TOX3: variants seen among roughly 807,000 people sequenced by gnomAD.
TOX3 encodes the protein TOX high mobility group box family member 3.
A neutral mutation model predicts 64.3 loss-of-function variants in TOX3; 22 were observed. That is an observed-to-expected ratio of 0.34 (90% CI 0.24 to 0.49). TOX3 has a LOEUF of 0.49. Ranked by LOEUF, TOX3 falls within the 20% of genes least tolerant of loss-of-function variation. The pLI, the probability that TOX3 is intolerant of heterozygous loss-of-function variation, is 0.99. For missense variants in TOX3, 661 were observed against 714.4 expected (o/e 0.93, Z 0.85); for synonymous variants, 291 against 273.6 (o/e 1.06, Z -0.63).
chr16:52,450,206 A>G, intron 4 of TOX3, 71 bp downstream of exon 4: 1 of 1,563,248 alleles, frequency 6.4e-7, no homozygotes, highest in Non-Finnish European at 8.8e-7. Flanking sequence ...AACACCATGA[A>G]TGAAATTCAA....
At chr16:52,542,752 G>C (rs1963103678) in intron 1 of TOX3, among the ~76,000 whole-genome samples, 1 of 152,118 alleles carries the variant, frequency 6.6e-6, no homozygotes, top group Non-Finnish European at 1.5e-5. Context: ...GTCGTGATAG[G>C]ATACAGGAAT....
intron 1 of TOX3, among the ~76,000 whole-genome samples, chr16:52,479,876 C>T (rs1961318805): frequency 6.6e-6 from 1 of 152,186 alleles, no homozygotes; most frequent in Non-Finnish European, 1.5e-5. Flanking sequence ...ATAAGCAGTT[C>T]TACTGATGCA....
chr16:52,439,397 T>G lies in TOX3; in HGVS notation c.1559A>C (p.Gln520Pro), dbSNP rs1959864764. Residue 520 changes from glutamine to proline, a missense_variant, in exon 7 of 7, where the codon CAA (glutamine) becomes CCA (proline). By Grantham distance (76) the Gln-to-Pro change is moderately conservative (BLOSUM62 -1). Transcript: ENST00000219746. ...LQQRLQLQQLQHMQHQSQPSP... is the reference protein window; with the variant it reads ...LQQRLQLQQLPHMQHQSQPSP... ...AGGCTGAGACTGGTGCTGCATGTGT[T>G]GCAGCTGCTGCAGCTGGAGGCGCTG... 1 of 1,585,158 alleles carries G rather than the reference T, an allele frequency of 6.3e-7. No individual in the cohort carries two copies. The highest frequency in any genetic ancestry group is 1.3e-5 in the African/African-American group (1 of 74,278).
At chr16:52,454,796 G>T (rs993541159) in intron 3 of TOX3, among the ~76,000 whole-genome samples, 5 of 152,064 alleles carry the variant, frequency 3.3e-5, no homozygotes, top group African/African-American at 1.2e-4. Flanking sequence ...ATTACCATGC[G>T]ATTATTTTAC....
At chr16:52,443,297 T>C (rs983102175) in intron 6 of TOX3, among the ~76,000 whole-genome samples, 1 of 152,182 alleles carries the variant, frequency 6.6e-6, no homozygotes, top group Non-Finnish European at 1.5e-5. Flanking sequence ...GTTTTGCTAT[T>C]GACCTGATAA....
At chr16:52,543,346 A>G (rs1244594446) in intron 1 of TOX3, among the ~76,000 whole-genome samples, 1 of 152,172 alleles carries the variant, frequency 6.6e-6, no homozygotes, top group Non-Finnish European at 1.5e-5. Context: ...TCCAATGAGC[A>G]TTTCCTTTGA....
chr16:52,516,863 C>G (rs770482638), intron 1 of TOX3, among the ~76,000 whole-genome samples: 10 of 151,900 alleles, frequency 6.6e-5, no homozygotes, highest in African/African-American at 2.4e-4. Flanking sequence ...CAAAACTTAC[C>G]AATAGCACAT....
chr16:52,484,416 A>G (rs1056868791), intron 1 of TOX3, among the ~76,000 whole-genome samples: 1 of 152,180 alleles, frequency 6.6e-6, no homozygotes, highest in Non-Finnish European at 1.5e-5. Context: ...ATTAGGACCT[A>G]CTAGTTCTGC....
At chr16:52,530,451 C>T (rs1962826000) in intron 1 of TOX3, among the ~76,000 whole-genome samples, 9 of 152,054 alleles carry the variant, frequency 5.9e-5, no homozygotes, top group Admixed American at 5.9e-4. Flanking sequence ...ATTCTCCGGC[C>T]TCAATCTCCC....
chr16:52,518,549 C>T (rs564092996), intron 1 of TOX3, among the ~76,000 whole-genome samples: 3 of 152,278 alleles, frequency 2.0e-5, no homozygotes, highest in Non-Finnish European at 2.9e-5. Context: ...TTTAATAAAA[C>T]GTCTTCTCTA....
chr16:52,540,011 G>T (rs918194214), intron 1 of TOX3, among the ~76,000 whole-genome samples: 1 of 151,894 alleles, frequency 6.6e-6, no homozygotes, highest in Non-Finnish European at 1.5e-5. Context: ...TCTTGCCGGG[G>T]CCTACACCAT....
At position 52,440,748 on chromosome 16, in the gene TOX3, C is replaced by CTTTTTTTTTTTTT. The variant is rs1425662404; in HGVS notation, c.988-781_988-780insAAAAAAAAAAAAA. ...ATTGGGTTATATGGTATTTTTCTTTCTTTCTTTTTTTTTTTTTTTTTTTTT... is the reference window on the plus strand; with the variant it reads ...ATTGGGTTATATGGTATTTTTCTTTCTTTTTTTTTTTTTTTTCTTTTTTTTTTTTTTTTTTTTT... On this transcript the variant is annotated intron_variant, in intron 6 of 6. Transcript: ENST00000219746. Among the ~76,000 whole-genome samples, 2 of 89,456 alleles carry CTTTTTTTTTTTTT rather than the reference C, an allele frequency of 2.2e-5. 1 individual carries two copies. Among genetic ancestry groups the CTTTTTTTTTTTTT allele is most frequent in the Admixed American group, 2.4e-4 (2 of 8,222 alleles). 58.7% of individuals were successfully genotyped at this position (89,456 alleles called of 152,430 possible).
intron 1 of TOX3, among the ~76,000 whole-genome samples, chr16:52,532,167 A>G (rs1329830447): frequency 1.3e-5 from 2 of 152,110 alleles, no homozygotes; most frequent in Non-Finnish European, 2.9e-5. Context: ...CCTGGGGTAA[A>G]TTGCAAAAAT....
At chr16:52,490,647 T>A (rs930826287) in intron 1 of TOX3, among the ~76,000 whole-genome samples, 14 of 146,630 alleles carry the variant, frequency 9.5e-5, no homozygotes, top group African/African-American at 2.3e-4. Flanking sequence ...TTTTTTTTTT[T>A]AATACAGGGT....
chr16:52,538,682 G>C (rs1298619624), intron 1 of TOX3, among the ~76,000 whole-genome samples: 1 of 152,122 alleles, frequency 6.6e-6, no homozygotes, highest in African/African-American at 2.4e-5. Flanking sequence ...TAGCCCATTT[G>C]TCTATCTTCA....
rs998492452 is a variant in TOX3, at chr16:52,437,073, T to C, written c.*2152A>G. ...GCTAGCACATCATTTCTTTGTGGAA[T>C]ACAATCACTCCCTTGTAGATGTAAT... On this transcript the variant is annotated 3_prime_UTR_variant, in exon 7 of 7. Transcript: ENST00000219746. The C allele has an allele frequency of 6.6e-6, 1 of 152,242 alleles. No individual in the cohort carries two copies. The highest frequency in any genetic ancestry group is 1.5e-5 in the Non-Finnish European group (1 of 68,044). The allele number at this position is 152,242 out of a possible 1,614,324, so 9.4% of individuals were successfully genotyped here.
At chr16:52,452,007 G>A (rs185371714) in intron 3 of TOX3, among the ~76,000 whole-genome samples, 16 of 152,056 alleles carry the variant, frequency 1.1e-4, no homozygotes, top group African/African-American at 3.6e-4. Context: ...GTCCCTCCCC[G>A]TACCAGTCAT....
At chr16:52,534,852 G>A (rs1220823492) in intron 1 of TOX3, among the ~76,000 whole-genome samples, 1 of 152,040 alleles carries the variant, frequency 6.6e-6, no homozygotes, top group Non-Finnish European at 1.5e-5. Context: ...TTGATAAATG[G>A]CACTACAAAA....
chr16:52,537,422 ATATT>A (rs537247877), intron 1 of TOX3, among the ~76,000 whole-genome samples: 91 of 152,304 alleles, frequency 6.0e-4, no homozygotes, highest in Non-Finnish European at 1.1e-3. Flanking sequence ...AATATAAACA[ATATT>A]TATGATATTT....
Sources: gnomAD v4.1 joint callset for allele counts (sites outside exome capture counted in the v4.1 genomes callset) on GRCh38, gnomAD v4.1.1 for gene constraint, MANE v1.5 for transcripts, NCBI Gene and HGNC (gene_info 2026-07-23, HGNC 2026-07-21) for gene names.